The following SPAG16 variants were observed in gnomAD, a reference collection of about 807,000 sequenced individuals.
The protein encoded by SPAG16 is sperm associated antigen 16, also known as sperm-associated antigen 16 protein.
A neutral mutation model predicts 80.4 loss-of-function variants in SPAG16; 86 were observed. The observed-to-expected ratio is 1.07, with a 90% CI of 0.90 to 1.28. SPAG16 has a LOEUF of 1.28. Ranked by LOEUF, SPAG16 falls within the 50% of genes most tolerant of loss-of-function variation. The pLI is 0.00. For synonymous variants in SPAG16, 294 were observed against 265.9 expected (o/e 1.11, Z -1.03); for missense variants, 870 against 765.3 (o/e 1.14, Z -1.61).
At chr2:214,268,746 T>G (rs968970252) in intron 15 of SPAG16, among the ~76,000 whole-genome samples, 13 of 150,286 alleles carry the variant, frequency 8.7e-5, no homozygotes, top group African/African-American at 2.4e-4. Context: ...ATCTGAAGGG[T>G]GTGTGTGTGT....
At chr2:213,527,115 T>A (rs1414935109) in intron 10 of SPAG16, among the ~76,000 whole-genome samples, 2 of 152,200 alleles carry the variant, frequency 1.3e-5, no homozygotes, top group Non-Finnish European at 1.5e-5. Context: ...CTTTAGACAG[T>A]GAATCTTTTG....
At position 214,023,208 on chromosome 2, in the gene SPAG16, A is replaced by G. The variant is rs73072953; in HGVS notation, c.1527+9131A>G. Among the ~76,000 whole-genome samples, 989 of 151,986 alleles carry G rather than the reference A, an allele frequency of 6.5e-3. 6 individuals carry two copies. Among genetic ancestry groups the G allele is most frequent in the African/African-American group, 0.023 (953 of 41,532 alleles). ...TTTTCCAAGTAACTTCTCTCACTTC[A>G]TTAAAAATGTAGTAGAAGCTGTGTT... On this transcript the variant is annotated intron_variant, in intron 13 of 15. Coordinates refer to ENST00000331683, the MANE Select transcript of SPAG16 (RefSeq NM_024532.5).
chr2:213,737,277 T>G (rs182855460), intron 10 of SPAG16, among the ~76,000 whole-genome samples: 1 of 152,328 alleles, frequency 6.6e-6, no homozygotes, highest in African/African-American at 2.4e-5. Context: ...ACGTTTGCAC[T>G]TTCTTCCAAT....
chr2:213,372,427 T>G (rs1037580030), intron 8 of SPAG16, among the ~76,000 whole-genome samples: 1 of 152,148 alleles, frequency 6.6e-6, no homozygotes, highest in Non-Finnish European at 1.5e-5. Context: ...AAAGTAGCTC[T>G]TAAGTTAGTA....
At chr2:213,356,108 T>C (rs990631623) in intron 7 of SPAG16, among the ~76,000 whole-genome samples, 1 of 151,728 alleles carries the variant, frequency 6.6e-6, no homozygotes, top group African/African-American at 2.4e-5. Flanking sequence ...AAAGGCCTTT[T>C]CTGGTGGATA....
At chr2:214,156,038 A>G (rs2056200264) in intron 15 of SPAG16, among the ~76,000 whole-genome samples, 1 of 152,242 alleles carries the variant, frequency 6.6e-6, no homozygotes, top group Non-Finnish European at 1.5e-5. Flanking sequence ...ATCTGTTAGG[A>G]GAAATGATTC....
chr2:213,524,668 G>T (rs889717178), intron 10 of SPAG16, among the ~76,000 whole-genome samples: 1 of 152,218 alleles, frequency 6.6e-6, no homozygotes, highest in African/African-American at 2.4e-5. Context: ...CTTCCTGACT[G>T]GATTTCGGAC....
intron 10 of SPAG16, among the ~76,000 whole-genome samples, chr2:213,846,281 G>C (rs564308715): frequency 6.6e-6 from 1 of 151,956 alleles, no homozygotes; most frequent in Non-Finnish European, 1.5e-5. Context: ...GAACTTATAA[G>C]TACATACATA....
intron 15 of SPAG16, among the ~76,000 whole-genome samples, chr2:214,395,353 C>G (rs1265624903): frequency 6.6e-6 from 1 of 152,188 alleles, no homozygotes. Context: ...TATTGCTCCA[C>G]ATTCTCACCA....
intron 13 of SPAG16, among the ~76,000 whole-genome samples, chr2:214,044,516 C>T (rs1276957375): frequency 6.6e-6 from 1 of 151,886 alleles, no homozygotes; most frequent in East Asian, 1.9e-4. Context: ...ATCATCCCAC[C>T]CACAAGAACA....
rs373558428 is a variant in SPAG16 at position 213,830,408 on chromosome 2, A to G, written c.1071-32077A>G. 1.1e-4 allele frequency among the ~76,000 whole-genome samples: 16 copies of G among 152,226 alleles called. No homozygotes were observed. The East Asian group carries it at 1.7e-3, about 17-fold the overall frequency. ...AAATCAAGACTGTCTACCCTCTTCA[A>G]TGGTCTTTAGTGCCTCTTTCAGTGA... On this transcript the variant is annotated intron_variant, in intron 10 of 15. Transcript: ENST00000331683.
At chr2:213,631,903 A>T (rs1212777509) in intron 10 of SPAG16, among the ~76,000 whole-genome samples, 1 of 152,142 alleles carries the variant, frequency 6.6e-6, no homozygotes, top group Non-Finnish European at 1.5e-5. Context: ...GTATCATTTG[A>T]TGACAGGTAA....
At chr2:213,522,083 C>G (rs139570610) in intron 10 of SPAG16, among the ~76,000 whole-genome samples, 70 of 152,298 alleles carry the variant, frequency 4.6e-4, no homozygotes, top group Middle Eastern at 3.4e-3. Context: ...TTCTAAAGAT[C>G]TATAGCATTG....
chr2:213,945,190 C>G lies in SPAG16; in HGVS notation c.1400+15045C>G, dbSNP rs186544467. Among the ~76,000 whole-genome samples the G allele has an allele frequency of 5.4e-5, 8 of 148,834 alleles. No homozygotes were observed. The Admixed American group carries it at 5.4e-4, about 10-fold the overall frequency. On this transcript the variant is annotated intron_variant, in intron 12 of 15. Transcript: ENST00000331683. ...TGTGTGTATATATATGTATATATAT[C>G]TTTTTATGTATATATATGCATGTAT...
At chr2:213,462,598 A>G (rs1031525665) in intron 9 of SPAG16, among the ~76,000 whole-genome samples, 1 of 152,188 alleles carries the variant, frequency 6.6e-6, no homozygotes, top group Admixed American at 6.5e-5. Context: ...TGTTCTCTTA[A>G]TAGTGAGTCT....
intron 12 of SPAG16, among the ~76,000 whole-genome samples, chr2:214,010,275 T>C (rs1018242924): frequency 2.8e-5 from 4 of 144,568 alleles, no homozygotes; most frequent in Non-Finnish European, 4.5e-5. Flanking sequence ...GAACAGATAT[T>C]AAAAATGAAA....
chr2:213,615,614 A>T (rs910620585), intron 10 of SPAG16, among the ~76,000 whole-genome samples: 8 of 152,066 alleles, frequency 5.3e-5, no homozygotes, highest in South Asian at 2.1e-4. Context: ...AAAAACAATT[A>T]AAAAAAACCC....
intron 11 of SPAG16, among the ~76,000 whole-genome samples, chr2:213,909,852 T>A (rs1575524820): frequency 1.3e-5 from 2 of 152,310 alleles, no homozygotes; most frequent in Non-Finnish European, 2.9e-5. Context: ...AAGTGCTGTA[T>A]CAAGGCTAAG....
intron 15 of SPAG16, among the ~76,000 whole-genome samples, chr2:214,174,656 T>C (rs2057005239): frequency 6.6e-6 from 1 of 151,726 alleles, no homozygotes. Context: ...TACTTCTCAC[T>C]CACATCAATC....
Sources: gnomAD v4.1 joint callset for allele counts (sites outside exome capture counted in the v4.1 genomes callset) on GRCh38, gnomAD v4.1.1 for gene constraint, MANE v1.5 for transcripts, NCBI Gene and HGNC (gene_info 2026-07-23, HGNC 2026-07-21) for gene names.